TENM3: variants seen among roughly 807,000 people sequenced by gnomAD.
TENM3 encodes the protein teneurin-3.
Under a neutral mutation model 255.1 loss-of-function variants are expected in TENM3, and 63 were observed. The ratio of observed to expected loss-of-function variants is 0.25; its 90% confidence interval spans 0.20 to 0.30. The LOEUF (loss-of-function observed/expected upper bound fraction) is 0.30. Among genes scored for constraint, TENM3 ranks in the 10% least tolerant of loss-of-function variants. TENM3 has a pLI of 1.00. For missense variants in TENM3, 2,929 were observed against 3,461.1 expected (o/e 0.85, Z 3.86); for synonymous variants, 1,306 against 1,322.3 (o/e 0.99, Z 0.27).
the TENM3 span, among the ~76,000 whole-genome samples, chr4:181,604,601 GC>G: frequency 3.3e-5 from 5 of 152,192 alleles, no homozygotes; most frequent in African/African-American, 4.8e-5. Context: ...GTTCTGGAGT[GC>G]CCACGCCAGA....
At chr4:182,364,108 C>T (rs1766228437) in intron 3 of TENM3, among the ~76,000 whole-genome samples, 1 of 151,788 alleles carries the variant, frequency 6.6e-6, no homozygotes. Context: ...ATTTTTAAAG[C>T]ATCTAATCAT....
chr4:181,497,339 G>C, the TENM3 span, among the ~76,000 whole-genome samples: 3 of 152,136 alleles, frequency 2.0e-5, no homozygotes, highest in Non-Finnish European at 2.9e-5. Flanking sequence ...AGCTTTGAAA[G>C]ACTGTCTACT....
At chr4:182,653,162 A>T (rs926128375) in intron 5 of TENM3, among the ~76,000 whole-genome samples, 2 of 152,220 alleles carry the variant, frequency 1.3e-5, no homozygotes, top group Non-Finnish European at 2.9e-5. Flanking sequence ...AACTCACATG[A>T]AATTACCTGA....
chr4:181,934,618 G>T, the TENM3 span, among the ~76,000 whole-genome samples: 1 of 151,922 alleles, frequency 6.6e-6, no homozygotes, highest in Admixed American at 6.6e-5. Context: ...GCTTAAAAAA[G>T]GATTTTTAGC....
rs1440012579 is a variant in TENM3, at chr4:182,743,217, C to T, written c.3427C>T (p.Pro1143Ser). The change falls in exon 19 of 28, where the codon CCT (proline) becomes TCT (serine). Residue 1143 changes from proline (P) to serine (S), a missense_variant. Pro to Ser is a moderately conservative substitution (Grantham distance 74, BLOSUM62 -1). Transcript: ENST00000511685. Reference protein sequence around the residue: ...NGENQFISQQPPVVSSIMGNG... With the variant: ...NGENQFISQQSPVVSSIMGNG... ...GGAAAACCAGTTCATCTCCCAGCAG[C>T]CTCCAGTCGTGAGTAGCATCATGGG... is the stretch of plus-strand genomic sequence containing the variant. 2 of 1,613,760 alleles carry T rather than the reference C, an allele frequency of 1.2e-6. No homozygotes were observed. The highest frequency in any genetic ancestry group is 8.5e-7 in the Non-Finnish European group (1 of 1,179,752).
chr4:182,522,211 C>G (rs913868099), intron 3 of TENM3, among the ~76,000 whole-genome samples: 1 of 152,104 alleles, frequency 6.6e-6, no homozygotes, highest in South Asian at 2.1e-4. Flanking sequence ...TCTCTTCTAG[C>G]TATTTTGGAA....
chr4:182,517,700 A>G (rs971757833), intron 3 of TENM3, among the ~76,000 whole-genome samples: 7 of 152,168 alleles, frequency 4.6e-5, no homozygotes, highest in African/African-American at 1.7e-4. Context: ...GTTCATTCTA[A>G]CATAATAGAT....
chr4:182,384,105 C>T (rs1439396569), intron 3 of TENM3, among the ~76,000 whole-genome samples: 1 of 152,052 alleles, frequency 6.6e-6, no homozygotes, highest in African/African-American at 2.4e-5. Flanking sequence ...AGGGAAGGGA[C>T]GTGAGAAAAG....
the TENM3 span, among the ~76,000 whole-genome samples, chr4:182,106,656 G>T: frequency 6.6e-6 from 1 of 152,234 alleles, no homozygotes; most frequent in African/African-American, 2.4e-5. Flanking sequence ...CCTAAAGTCG[G>T]TTTTTTAGAG....
chr4:182,351,883 G>A (rs1396383357), intron 3 of TENM3, among the ~76,000 whole-genome samples: 1 of 152,180 alleles, frequency 6.6e-6, no homozygotes, highest in Non-Finnish European at 1.5e-5. Context: ...GCTGTTGTGA[G>A]CATTAAGTGA....
At chr4:182,505,343 A>G (rs1001790343) in intron 3 of TENM3, among the ~76,000 whole-genome samples, 3 of 152,216 alleles carry the variant, frequency 2.0e-5, no homozygotes, top group Non-Finnish European at 4.4e-5. Context: ...AAACTGCCAG[A>G]TAGCATTCCA....
intron 3 of TENM3, among the ~76,000 whole-genome samples, chr4:182,522,347 C>G (rs1419572000): frequency 6.6e-6 from 1 of 152,140 alleles, no homozygotes; most frequent in African/African-American, 2.4e-5. Context: ...CTCCCGCTTT[C>G]ACTTTGCAGC....
chr4:182,244,095 A>G (rs1006487191), intron 1 of TENM3, among the ~76,000 whole-genome samples: 7 of 151,414 alleles, frequency 4.6e-5, no homozygotes, highest in African/African-American at 1.5e-4. Flanking sequence ...CTGGGACTAC[A>G]GGCGCCCGCC....
chr4:181,525,914 C>T, the TENM3 span, among the ~76,000 whole-genome samples: 1 of 150,262 alleles, frequency 6.7e-6, no homozygotes, highest in Non-Finnish European at 1.5e-5. Context: ...AAATGTCAGC[C>T]CTTGCCTGGG....
At chr4:182,755,422 G>A (rs1762659851) in intron 22 of TENM3, 163 bp downstream of exon 22, 2 of 643,978 alleles carry the variant, frequency 3.1e-6, no homozygotes, top group South Asian at 2.3e-5. Flanking sequence ...CATTCCCGTA[G>A]TCTCAGCTCC....
At chr4:181,508,496 T>A in the TENM3 span, among the ~76,000 whole-genome samples, 3 of 152,210 alleles carry the variant, frequency 2.0e-5, no homozygotes, top group Non-Finnish European at 4.4e-5. Context: ...TAGGGAGGAT[T>A]CTGGGGAAAG....
chr4:182,299,774 G>C (rs77422159), intron 1 of TENM3, among the ~76,000 whole-genome samples: 5,432 of 128,620 alleles, frequency 0.042, 327 homozygotes, highest in African/African-American at 0.13. Context: ...TGCCAAGGAC[G>C]GGGGGAGGGA....
the TENM3 span, among the ~76,000 whole-genome samples, chr4:181,556,643 C>T: frequency 0.011 from 1,618 of 152,150 alleles, 27 homozygotes; most frequent in African/African-American, 0.037. Context: ...AATGTGAACA[C>T]ATCTACTGTT....
the TENM3 span, among the ~76,000 whole-genome samples, chr4:181,473,597 A>G: frequency 6.6e-6 from 1 of 151,794 alleles, no homozygotes. Context: ...GTCTCAAAAA[A>G]CAACAACCAA....
Sources: allele counts gnomAD v4.1 joint callset (sites outside exome capture counted in the v4.1 genomes callset), GRCh38; gene constraint gnomAD v4.1.1; transcripts MANE v1.5; gene names NCBI Gene and HGNC (gene_info 2026-07-23, HGNC 2026-07-21).